Variants in TSPAN11 observed in about 807,000 individuals in gnomAD.
TSPAN11 encodes tetraspanin-11.
In TSPAN11, 29 loss-of-function variants were observed where a neutral mutation model predicts 32.9. The observed-to-expected ratio is 0.88, with a 90% confidence interval of 0.66 to 1.20. The LOEUF is 1.20. Ranked by LOEUF, TSPAN11 falls within the 50% of genes most tolerant of loss-of-function variation. The pLI, the probability that TSPAN11 is intolerant of heterozygous loss-of-function variation, is 0.00. For synonymous variants in TSPAN11, 140 were observed against 141.3 expected (o/e 0.99, Z 0.07); for missense variants, 283 against 329.1 (o/e 0.86, Z 1.08).
rs1309912792 is a variant in TSPAN11, at chr12:30,991,859, T to C, written c.706T>C (p.Cys236Arg). ...CTCTGCTCTCTCCACCTGGCAGATC[T>C]GCGGGATGGTTCTCACCTGCTGCTT... ...VGIGVACLQI[C>R]GMVLTCCLHQ... Residue 236 changes from cysteine (C) to arginine (R), a missense_variant, in exon 8 of 8, where the codon TGC becomes CGC. Coordinates refer to ENST00000546076, the MANE Select transcript of TSPAN11 (RefSeq NM_001370302.1). 1.2e-6 allele frequency: 2 copies of C among 1,614,204 alleles called. No individual in the cohort carries two copies. The highest frequency in any genetic ancestry group is 1.7e-6 in the Non-Finnish European group (2 of 1,180,028).
rs1010449008 is a variant in TSPAN11 at position 30,975,498 on chromosome 12, T to C, written c.277-3063T>C. On this transcript the variant is annotated intron_variant, in intron 3 of 7. Coordinates refer to ENST00000546076, the MANE Select transcript of TSPAN11 (RefSeq NM_001370302.1). The surrounding 1 kb of genome is among the most constrained non-coding windows in gnomAD (Gnocchi z 4.5). ...GGCTATCCCCACACACCACCGCCAC[T>C]GCCAAGCTCTCTCCCCTCCTCCTGA... Among the ~76,000 whole-genome samples, 2 of 152,080 alleles carry C rather than the reference T, an allele frequency of 1.3e-5. No individual in the cohort carries two copies. Among genetic ancestry groups the C allele is most frequent in the African/African-American group, 4.8e-5 (2 of 41,424 alleles).
chr12:30,928,590 AG>A (rs1306537269), intron 1 of TSPAN11, among the ~76,000 whole-genome samples: 1 of 152,180 alleles, frequency 6.6e-6, no homozygotes. Context: ...GCTGTTTAGT[AG>A]TGTTTGTAAA....
chr12:30,976,677 C>T (rs1377051846), intron 3 of TSPAN11, among the ~76,000 whole-genome samples: 1 of 152,178 alleles, frequency 6.6e-6, no homozygotes, highest in African/African-American at 2.4e-5. Flanking sequence ...GTGGAATCTG[C>T]AACTCCCTCC....
chr12:30,967,770 G>C (rs1237175545), intron 3 of TSPAN11, among the ~76,000 whole-genome samples: 1 of 152,088 alleles, frequency 6.6e-6, no homozygotes, highest in African/African-American at 2.4e-5. Context: ...ATCTCTGCCA[G>C]GGCGCTAGCA....
intron 3 of TSPAN11, among the ~76,000 whole-genome samples, chr12:30,974,154 T>G (rs1320347186): frequency 6.6e-6 from 1 of 152,266 alleles, no homozygotes; most frequent in Non-Finnish European, 1.5e-5. Context: ...ATGTTCTGTT[T>G]CCAGCTCTTC....
intron 7 of TSPAN11, among the ~76,000 whole-genome samples, chr12:30,983,464 C>T (rs1939138337): frequency 6.6e-6 from 1 of 152,086 alleles, no homozygotes; most frequent in Non-Finnish European, 1.5e-5. Context: ...GGTGAGCGTG[C>T]AAGCCATCTG....
chr12:30,969,348 T>A (rs1484404819), intron 3 of TSPAN11, among the ~76,000 whole-genome samples: 1 of 152,206 alleles, frequency 6.6e-6, no homozygotes, highest in Non-Finnish European at 1.5e-5. Flanking sequence ...CCTTGCCTCA[T>A]CTGTTTGGTG....
chr12:30,969,136 A>G (rs1389361544), intron 3 of TSPAN11, among the ~76,000 whole-genome samples: 1 of 152,098 alleles, frequency 6.6e-6, no homozygotes, highest in Non-Finnish European at 1.5e-5. Context: ...AATAAATAAG[A>G]GTTATTCTGA....
At chr12:31,016,469 AAGGAAAGGAGAGGAG>A in the TSPAN11 span, among the ~76,000 whole-genome samples, 101 of 152,236 alleles carry the variant, frequency 6.6e-4, no homozygotes, top group Non-Finnish European at 5.9e-4. Flanking sequence ...AAGAAAAGGA[AAGGAAAGGAGAGGAG>A]AGGAAAGGAG....
chr12:30,985,360 T>C (rs943166757), intron 7 of TSPAN11, among the ~76,000 whole-genome samples: 1 of 152,118 alleles, frequency 6.6e-6, no homozygotes, highest in Non-Finnish European at 1.5e-5. Flanking sequence ...CCATCATTTT[T>C]ATGATTTCTG....
At chr12:30,960,110 C>T (rs1318493117) in intron 2 of TSPAN11, among the ~76,000 whole-genome samples, 1 of 104,126 alleles carries the variant, frequency 9.6e-6, no homozygotes, top group East Asian at 3.3e-4. Flanking sequence ...CTACAGTGAC[C>T]CTGTGGTGTC....
rs55772956 is a variant in TSPAN11, at chr12:30,984,552, C to CTTTTTTTTT, written c.702+1418_702+1426dup. Among the ~76,000 whole-genome samples the CTTTTTTTTT allele has an allele frequency of 7.9e-4, 54 of 68,572 alleles. 1 individual carries two copies. The highest frequency in any genetic ancestry group is 2.8e-3 in the East Asian group (6 of 2,112). The allele number at this position is 68,572 out of a possible 152,430, so 45.0% of individuals were successfully genotyped here. A position where few individuals can be genotyped will look rare whatever the true frequency, so the allele number is the denominator to read the frequency against. ...AAGGAGTAGTGTTCTTCGCTTTTTG[C>CTTTTTTTTT]TTTTTTTTTTTTTTTTTTTTTTTTG... On this transcript the variant is annotated intron_variant, in intron 7 of 7. Transcript: ENST00000546076.
At chr12:30,985,142 C>T (rs1241707796) in intron 7 of TSPAN11, among the ~76,000 whole-genome samples, 1 of 152,038 alleles carries the variant, frequency 6.6e-6, no homozygotes, top group Non-Finnish European at 1.5e-5. Context: ...GAGGAGGGTC[C>T]GTCGCCTCTG....
chr12:30,932,473 C>T (rs980751028), intron 1 of TSPAN11, among the ~76,000 whole-genome samples: 1 of 152,180 alleles, frequency 6.6e-6, no homozygotes, highest in African/African-American at 2.4e-5. Flanking sequence ...CACTCAACGT[C>T]GCTAACTCAA....
intron 1 of TSPAN11, among the ~76,000 whole-genome samples, chr12:30,952,701 A>G (rs1457857049): frequency 6.6e-6 from 1 of 152,136 alleles, no homozygotes; most frequent in East Asian, 1.9e-4. Context: ...GTTGGAAATA[A>G]TGGAGGAAGA....
chr12:30,937,756 T>C (rs759771), intron 1 of TSPAN11, among the ~76,000 whole-genome samples: 7,074 of 152,222 alleles, frequency 0.046, 548 homozygotes, highest in East Asian at 0.34. Flanking sequence ...GTCTCAGGCA[T>C]GACCCCAGAC....
intron 1 of TSPAN11, among the ~76,000 whole-genome samples, chr12:30,952,358 G>A (rs1194804807): frequency 2.0e-5 from 3 of 152,286 alleles, no homozygotes; most frequent in East Asian, 3.9e-4. Context: ...TCCCCTGGCC[G>A]ACCCCATCCA....
intron 2 of TSPAN11, among the ~76,000 whole-genome samples, chr12:30,957,252 T>C (rs1157706011): frequency 8.6e-6 from 1 of 116,708 alleles, no homozygotes; most frequent in Non-Finnish European, 1.9e-5. Context: ...CACACCATGG[T>C]CTTCTGCCCC....
At chr12:30,960,758 C>T (rs1938595808) in intron 2 of TSPAN11, among the ~76,000 whole-genome samples, 1 of 151,900 alleles carries the variant, frequency 6.6e-6, no homozygotes, top group Admixed American at 6.6e-5. Context: ...GTAGTTATTG[C>T]CCAGGCGCGC....
Sources: gnomAD v4.1 joint callset for allele counts (sites outside exome capture counted in the v4.1 genomes callset) on GRCh38, gnomAD v4.1.1 for gene constraint, Gnocchi (gnomAD v3.1) non-coding constraint, MANE v1.5 for transcripts, NCBI Gene and HGNC (gene_info 2026-07-23, HGNC 2026-07-21) for gene names.